ARHGAP6: variants seen among roughly 807,000 people sequenced by gnomAD.
The protein encoded by ARHGAP6 is Rho GTPase activating protein 6.
In ARHGAP6, 16 loss-of-function variants were observed where a neutral mutation model predicts 55.7. The ratio of observed to expected loss-of-function variants is 0.29; its 90% CI spans 0.19 to 0.44. The LOEUF (loss-of-function observed/expected upper bound fraction) is 0.44, where lower values mean the gene tolerates loss of function less well. ARHGAP6 is among the 20% of genes least tolerant of loss of function. The pLI, the probability that ARHGAP6 is intolerant of heterozygous loss-of-function variation, is 1.00. For missense variants in ARHGAP6, 698 were observed against 808.9 expected, an observed-to-expected ratio of 0.86 and a Z score of 1.66; for synonymous variants, 382 against 360.9, an observed-to-expected ratio of 1.06 and a Z score of -0.66.
At position 11,490,615 on chromosome X, in the gene ARHGAP6, T is replaced by C. The variant is rs557951239; in HGVS notation, c.588+173626A>G. Among the ~76,000 whole-genome samples the C allele has an allele frequency of 7.0e-4, 78 of 112,021 alleles. No individual in the cohort carries two copies. In the South Asian group the frequency reaches 7.8e-3, roughly 11 times the overall value. ...TTGTTATGCAGCAATAGAAAACTAA[T>C]ACTATTAGGAAAATGGTGTCCCAGA... is the stretch of plus-strand genomic sequence containing the variant. On this transcript the variant is annotated intron_variant, in intron 1 of 12. Transcript: ENST00000337414.
intron 1 of ARHGAP6, among the ~76,000 whole-genome samples, chrX:11,390,617 G>GA (rs1181959539): frequency 9.0e-6 from 1 of 111,267 alleles, no homozygotes; most frequent in East Asian, 2.8e-4. Context: ...AAATTTACAA[G>GA]AAAAAAACAA....
intron 1 of ARHGAP6, among the ~76,000 whole-genome samples, chrX:11,548,190 T>C (rs1333858386): frequency 2.7e-5 from 3 of 112,549 alleles, no homozygotes; most frequent in African/African-American, 9.7e-5. Context: ...TTATAATATA[T>C]ACAATGTGTA....
Position 11,188,883 on chromosome X carries a change from C to T in ARHGAP6, c.922G>A (p.Ala308Thr), listed in dbSNP as rs2046420050. Residue 308 changes from alanine to threonine, a missense_variant, in exon 4 of 13, where the codon GCA becomes ACA. By Grantham distance (58) the Ala-to-Thr change is moderately conservative (BLOSUM62 0). Transcript: ENST00000337414. ...AGGAGGGAAGCCACAAAGTCAGATG[C>T]ATCTTTCTGCTCGTCCCTCTGCAAG... ...QDLQRDEQKDASDFVASLLPF... is the reference protein window; with the variant it reads ...QDLQRDEQKDTSDFVASLLPF... 8.3e-7 allele frequency: 1 copy of T among 1,209,536 alleles called. No homozygotes were observed. Among genetic ancestry groups the T allele is most frequent in the Non-Finnish European group, 1.1e-6 (1 of 895,203 alleles).
At chrX:11,469,700 C>A (rs1321942156) in intron 1 of ARHGAP6, among the ~76,000 whole-genome samples, 1 of 111,558 alleles carries the variant, frequency 9.0e-6, no homozygotes, top group Non-Finnish European at 1.9e-5. Flanking sequence ...TAGATTTTCA[C>A]GCTAATTGCA....
intron 1 of ARHGAP6, among the ~76,000 whole-genome samples, chrX:11,337,218 T>A (rs1410015191): frequency 9.0e-6 from 1 of 111,394 alleles, no homozygotes; most frequent in African/African-American, 3.3e-5. Flanking sequence ...TAATATACAA[T>A]ATAATATTCA....
intron 1 of ARHGAP6, among the ~76,000 whole-genome samples, chrX:11,365,671 A>G (rs901975890): frequency 8.0e-5 from 9 of 112,515 alleles, no homozygotes; most frequent in African/African-American, 2.6e-4. Context: ...TTGTTCATTT[A>G]TCTTTTGGCT....
At chrX:11,181,985 G>T (rs1602798786) in intron 6 of ARHGAP6, 78 bp downstream of exon 6, 1 of 783,000 alleles carries the variant, frequency 1.3e-6, no homozygotes, top group South Asian at 2.3e-5. Context: ...AATGGAATTT[G>T]CATAAACTTG....
At chrX:11,324,210 G>GT (rs2048471105) in intron 1 of ARHGAP6, among the ~76,000 whole-genome samples, 1 of 112,030 alleles carries the variant, frequency 8.9e-6, no homozygotes, top group Non-Finnish European at 1.9e-5. Context: ...TCAAAGAATT[G>GT]TAACAGGAAA....
intron 1 of ARHGAP6, among the ~76,000 whole-genome samples, chrX:11,521,124 T>C (rs771448501): frequency 2.7e-5 from 3 of 112,311 alleles, no homozygotes; most frequent in African/African-American, 9.7e-5. Flanking sequence ...TTCACTCTGA[T>C]AGTATTTTCT....
intron 1 of ARHGAP6, among the ~76,000 whole-genome samples, chrX:11,461,804 T>G (rs1237743404): frequency 8.9e-6 from 1 of 111,848 alleles, no homozygotes; most frequent in African/African-American, 3.3e-5. Flanking sequence ...GACTTTAGAC[T>G]TCCTGCAGGC....
rs200828425 is a variant in ARHGAP6, at chrX:11,315,909, A to AT, written c.589-61203dup. Among the ~76,000 whole-genome samples the AT allele has an allele frequency of 9.7e-3, 1,082 of 111,691 alleles. 20 individuals are homozygous for AT. Among genetic ancestry groups the AT allele is most frequent in the African/African-American group, 0.033 (1,002 of 30,734 alleles). The stretch of plus-strand genomic sequence containing the variant: ...CCTAGTTTATATCTCCAACTAGGAC[A>AT]TTTTTTTCTTGAATTCCCTGAGTTC... On this transcript the variant is annotated intron_variant, in intron 1 of 12. Coordinates refer to ENST00000337414, the MANE Select transcript of ARHGAP6 (RefSeq NM_013427.3).
Position 11,159,483 on chromosome X carries a change from G to A in ARHGAP6, c.1810-2857C>T, listed in dbSNP as rs750504491. Among the ~76,000 whole-genome samples the A allele has an allele frequency of 6.4e-5, 7 of 110,228 alleles. No homozygotes were observed. The South Asian group carries it at 2.8e-3, about 43-fold the overall frequency. On this transcript the variant is annotated intron_variant, in intron 9 of 12. Transcript: ENST00000337414. ...AGGTAATAGCATTAATTTATTGGAT[G>A]GAGAGAGAGAGAAGAGAGGGAGAGG... is the stretch of plus-strand genomic sequence containing the variant.
chrX:11,641,965 T>C lies in ARHGAP6; in HGVS notation c.588+22276A>G, dbSNP rs145222639. ...GAAAAAAAAATACCATTTAAAAAGA[T>C]AGCAAACATCCAGAGTTTTTCTACA... On this transcript the variant is annotated intron_variant, in intron 1 of 12. Transcript: ENST00000337414. Among the ~76,000 whole-genome samples, 702 of 111,909 alleles carry C rather than the reference T, an allele frequency of 6.3e-3. 3 individuals carry two copies. Among genetic ancestry groups the C allele is most frequent in the African/African-American group, 0.022 (678 of 30,868 alleles).
chrX:11,152,657 C>T (rs754571730), intron 10 of ARHGAP6, among the ~76,000 whole-genome samples: 1 of 112,054 alleles, frequency 8.9e-6, no homozygotes, highest in East Asian at 2.8e-4. Flanking sequence ...AATCACACCT[C>T]TTTTCCTTCT....
chrX:11,633,154 A>C (rs2147177839), intron 1 of ARHGAP6, among the ~76,000 whole-genome samples: 1 of 112,273 alleles, frequency 8.9e-6, no homozygotes, highest in South Asian at 3.7e-4. Flanking sequence ...AATCACTAGC[A>C]CTCAAACCCT....
rs778330452 is a variant in ARHGAP6, at chrX:11,478,418, G to T, written c.588+185823C>A. Reference sequence around the variant, plus strand: ...TATAGTCTCAAAAGCATTGCGTACAGTGAAAGACACATTAACTCATACAGT... The same window carrying T: ...TATAGTCTCAAAAGCATTGCGTACATTGAAAGACACATTAACTCATACAGT... On this transcript the variant is annotated intron_variant, in intron 1 of 12. Transcript: ENST00000337414. Among the ~76,000 whole-genome samples the T allele has an allele frequency of 6.2e-5, 7 of 112,235 alleles. No homozygotes were observed. The East Asian group carries it at 2.0e-3, about 31-fold the overall frequency.
intron 1 of ARHGAP6, among the ~76,000 whole-genome samples, chrX:11,514,055 A>G (rs1230655295): frequency 9.6e-6 from 1 of 103,815 alleles, no homozygotes; most frequent in Non-Finnish European, 2.0e-5. Flanking sequence ...CCAGCTACTC[A>G]GGAGGCTGAG....
At chrX:11,320,135 G>A (rs1234724742) in intron 1 of ARHGAP6, among the ~76,000 whole-genome samples, 1 of 111,902 alleles carries the variant, frequency 8.9e-6, no homozygotes, top group Non-Finnish European at 1.9e-5. Flanking sequence ...AGACAGCTCT[G>A]TGGATGCCTC....
At chrX:11,194,064 C>T (rs1366630811) in intron 3 of ARHGAP6, among the ~76,000 whole-genome samples, 1 of 112,387 alleles carries the variant, frequency 8.9e-6, no homozygotes, top group Non-Finnish European at 1.9e-5. Context: ...TTACTAATAC[C>T]AACCTGAGTG....
Sources: allele counts gnomAD v4.1 joint callset (sites outside exome capture counted in the v4.1 genomes callset), GRCh38; gene constraint gnomAD v4.1.1; transcripts MANE v1.5; gene names NCBI Gene and HGNC (gene_info 2026-07-23, HGNC 2026-07-21).